The following PTPRD variants were observed in gnomAD, a reference collection of about 807,000 sequenced individuals.
PTPRD encodes protein tyrosine phosphatase receptor type D, also known as receptor-type tyrosine-protein phosphatase delta.
In PTPRD, 34 loss-of-function variants were observed where a neutral mutation model predicts 214.5. That is an observed-to-expected ratio of 0.16 (90% CI 0.12 to 0.21). The LOEUF is 0.21. Ranked by LOEUF, PTPRD falls within the 10% of genes least tolerant of loss-of-function variation. The pLI, the probability that PTPRD is intolerant of heterozygous loss-of-function variation, is 1.00. For synonymous variants in PTPRD, 1,128 were observed against 845.7 expected, an observed-to-expected ratio of 1.33 and a Z score of -5.79; for missense variants, 2,545 against 2,398.7, an observed-to-expected ratio of 1.06 and a Z score of -1.27.
chr9:8,337,272 T>G (rs962567018), intron 43 of PTPRD, among the ~76,000 whole-genome samples: 1 of 151,430 alleles, frequency 6.6e-6, no homozygotes, highest in African/African-American at 2.4e-5. Flanking sequence ...GGTGAGTGAG[T>G]ATTCCATAAA....
chr9:8,464,771 T>C (rs988335332), intron 32 of PTPRD, among the ~76,000 whole-genome samples: 10 of 151,472 alleles, frequency 6.6e-5, no homozygotes, highest in African/African-American at 1.2e-4. Context: ...ATAAGCAAGA[T>C]GGATTACATA....
At chr9:9,091,270 G>A in intron 10 of PTPRD, 1 of 1,230,198 alleles carries the variant, frequency 8.1e-7, no homozygotes, top group Non-Finnish European at 1.2e-6. Flanking sequence ...AAAGACTGAA[G>A]ACAGGCTATT....
intron 7 of PTPRD, among the ~76,000 whole-genome samples, chr9:9,631,656 G>A (rs2095599616): frequency 6.6e-6 from 1 of 152,148 alleles, no homozygotes; most frequent in African/African-American, 2.4e-5. Flanking sequence ...GTAACATAGG[G>A]AAAGGAGCAA....
In PTPRD at chr9:8,949,915, A is replaced by G. The variant is rs114462324; in HGVS notation, c.-104+68782T>C. Among the ~76,000 whole-genome samples, 861 of 152,298 alleles carry G rather than the reference A, an allele frequency of 5.7e-3. 3 individuals are homozygous for G. Among genetic ancestry groups the G allele is most frequent in the African/African-American group, 0.02 (836 of 41,572 alleles). On this transcript the variant is annotated intron_variant, in intron 11 of 45. Transcript: ENST00000381196. ...GAAATTTTATCTGCTCACTTCAGTTACTTTTATTTGCCTATTCCCTGCATT... is the reference window on the plus strand; with the variant it reads ...GAAATTTTATCTGCTCACTTCAGTTGCTTTTATTTGCCTATTCCCTGCATT...
At chr9:9,048,958 T>C (rs938903994) in intron 10 of PTPRD, among the ~76,000 whole-genome samples, 1 of 151,922 alleles carries the variant, frequency 6.6e-6, no homozygotes, top group African/African-American at 2.4e-5. Context: ...ACCCAGAAAA[T>C]TAAAAGTTAA....
chr9:10,122,470 TTTAATTAAGGACAA>T (rs1003147448), intron 3 of PTPRD, among the ~76,000 whole-genome samples: 5 of 152,164 alleles, frequency 3.3e-5, no homozygotes, highest in Admixed American at 3.3e-4. Context: ...GTTCTAGATG[TTTAATTAAGGACAA>T]TTGGATGCAG....
intron 2 of PTPRD, among the ~76,000 whole-genome samples, chr9:10,363,285 G>C (rs914478800): frequency 2.0e-5 from 3 of 152,172 alleles, no homozygotes; most frequent in African/African-American, 7.2e-5. Context: ...AACTCTTTGA[G>C]TATCAAAGTC....
chr9:8,585,239 G>A (rs2093548111), intron 14 of PTPRD, among the ~76,000 whole-genome samples: 1 of 152,036 alleles, frequency 6.6e-6, no homozygotes, highest in Non-Finnish European at 1.5e-5. Flanking sequence ...TACAAAGGGA[G>A]AAAAAGGGGA....
intron 12 of PTPRD, among the ~76,000 whole-genome samples, chr9:8,694,168 C>T (rs1358108423): frequency 6.6e-6 from 1 of 151,802 alleles, no homozygotes; most frequent in African/African-American, 2.4e-5. Context: ...AAATGCAGAG[C>T]TAATAAATTT....
intron 2 of PTPRD, among the ~76,000 whole-genome samples, chr9:10,417,763 G>A (rs977135209): frequency 3.3e-5 from 5 of 151,806 alleles, no homozygotes; most frequent in Non-Finnish European, 5.9e-5. Context: ...TGGGACCTAA[G>A]ACAAGGAGCT....
intron 10 of PTPRD, among the ~76,000 whole-genome samples, chr9:9,108,316 T>C (rs1038561536): frequency 6.6e-6 from 1 of 152,162 alleles, no homozygotes; most frequent in Non-Finnish European, 1.5e-5. Context: ...TGAAGATACA[T>C]TGTAGAACCA....
chr9:9,019,798 C>T (rs756032309), intron 10 of PTPRD, among the ~76,000 whole-genome samples: 7 of 152,196 alleles, frequency 4.6e-5, no homozygotes, highest in Non-Finnish European at 8.8e-5. Flanking sequence ...TGTAGTGTTT[C>T]GGGAGTTTTA....
chr9:9,265,752 C>CA (rs1939189523), intron 9 of PTPRD, among the ~76,000 whole-genome samples: 2 of 149,552 alleles, frequency 1.3e-5, no homozygotes, highest in African/African-American at 4.9e-5. Flanking sequence ...CACACCACTA[C>CA]AAAAAATTAT....
At chr9:9,278,984 T>G (rs1204861067) in intron 9 of PTPRD, among the ~76,000 whole-genome samples, 1 of 151,152 alleles carries the variant, frequency 6.6e-6, no homozygotes, top group Middle Eastern at 3.2e-3. Context: ...TAAACCTCAG[T>G]TTTACTTGAA....
chr9:10,259,435 T>C (rs2093546548), intron 3 of PTPRD, among the ~76,000 whole-genome samples: 1 of 152,178 alleles, frequency 6.6e-6, no homozygotes, highest in Non-Finnish European at 1.5e-5. Flanking sequence ...ATAATGACAT[T>C]GCTTATACAA....
At chr9:8,535,358 G>T (rs2076674693) in intron 14 of PTPRD, among the ~76,000 whole-genome samples, 1 of 151,914 alleles carries the variant, frequency 6.6e-6, no homozygotes, top group African/African-American at 2.4e-5. Context: ...AAAGCATAGT[G>T]TTTGTGCCAA....
chr9:8,324,672 C>T (rs893768608), intron 44 of PTPRD, among the ~76,000 whole-genome samples: 3 of 152,128 alleles, frequency 2.0e-5, no homozygotes, highest in East Asian at 1.9e-4. Flanking sequence ...TGAGGAATCA[C>T]CAAACTGTCT....
At chr9:10,139,720 T>C (rs971024410) in intron 3 of PTPRD, among the ~76,000 whole-genome samples, 1 of 151,852 alleles carries the variant, frequency 6.6e-6, no homozygotes, top group Non-Finnish European at 1.5e-5. Context: ...GAATAGAAAT[T>C]ACATGAATAA....
Position 9,918,885 on chromosome 9 carries a change from C to G in PTPRD, c.-368+19622G>C, listed in dbSNP as rs556196779. On this transcript the variant is annotated intron_variant, in intron 5 of 45. Coordinates refer to ENST00000381196, the MANE Select transcript of PTPRD (RefSeq NM_002839.4). ...TTAGACCCCTGCCTCCAACCCTATA[C>G]AAACATCAATTCAAAATTAATCAAT... Among the ~76,000 whole-genome samples, 43 of 152,216 alleles carry G rather than the reference C, an allele frequency of 2.8e-4. No homozygotes were observed. In the South Asian group the frequency reaches 8.9e-3, roughly 32 times the overall value.
Sources: gnomAD v4.1 joint callset for allele counts (sites outside exome capture counted in the v4.1 genomes callset) on GRCh38, gnomAD v4.1.1 for gene constraint, MANE v1.5 for transcripts, NCBI Gene and HGNC (gene_info 2026-07-23, HGNC 2026-07-21) for gene names.